The following TMEM123 variants were observed in gnomAD, a reference collection of about 807,000 sequenced individuals.
TMEM123 encodes transmembrane protein 123.
Under a neutral mutation model 19.7 loss-of-function variants are expected in TMEM123, and 16 were observed. The observed-to-expected ratio is 0.81, with a 90% confidence interval of 0.55 to 1.23. The LOEUF (loss-of-function observed/expected upper bound fraction) is 1.23. Ranked by LOEUF, TMEM123 falls within the 50% of genes most tolerant of loss-of-function variation. The pLI is 0.00. For synonymous variants in TMEM123, 118 were observed against 99.4 expected, an observed-to-expected ratio of 1.19 and a Z score of -1.12; for missense variants, 313 against 257.8, an observed-to-expected ratio of 1.21 and a Z score of -1.47.
intron 2 of TMEM123, among the ~76,000 whole-genome samples, chr11:102,405,674 A>AACAC (rs148148694): frequency 6.6e-6 from 1 of 151,860 alleles, no homozygotes; most frequent in Non-Finnish European, 1.5e-5. Context: ...TTTCGGATTC[A>AACAC]ACACACACAC....
intron 4 of TMEM123, among the ~76,000 whole-genome samples, chr11:102,400,189 A>G (rs773295097): frequency 3.3e-5 from 5 of 152,234 alleles, no homozygotes; most frequent in African/African-American, 1.2e-4. Flanking sequence ...GAAGATTCCA[A>G]TGGCCTATTC....
chr11:102,399,799 A>C (rs1951894735), intron 4 of TMEM123, among the ~76,000 whole-genome samples: 2 of 152,138 alleles, frequency 1.3e-5, no homozygotes, highest in African/African-American at 4.8e-5. Flanking sequence ...GTGAAACCCC[A>C]TCTCTACCAA....
intron 2 of TMEM123, among the ~76,000 whole-genome samples, chr11:102,445,732 A>C (rs1424563949): frequency 6.6e-6 from 1 of 152,196 alleles, no homozygotes. Flanking sequence ...ATGGTGGTTA[A>C]AAGTTCAGTA....
At chr11:102,411,322 G>A (rs372632409) in intron 2 of TMEM123, among the ~76,000 whole-genome samples, 2 of 152,140 alleles carry the variant, frequency 1.3e-5, no homozygotes, top group East Asian at 1.9e-4. Context: ...AGAGCGTATC[G>A]AAGCTCTGCG....
chr11:102,426,234 G>A (rs544924958), intron 2 of TMEM123, among the ~76,000 whole-genome samples: 1 of 152,120 alleles, frequency 6.6e-6, no homozygotes, highest in Non-Finnish European at 1.5e-5. Flanking sequence ...CAGAACTCTT[G>A]ACTTTGCCAT....
chr11:102,398,938 C>T (rs1386693052), intron 4 of TMEM123, 47 bp from the exon 5 acceptor site: 1 of 1,523,522 alleles, frequency 6.6e-7, no homozygotes, highest in Non-Finnish European at 9.0e-7. Flanking sequence ...TTTTTTCTGT[C>T]AAAACTACTT....
At chr11:102,416,702 A>C (rs917833403) in intron 2 of TMEM123, among the ~76,000 whole-genome samples, 3 of 152,156 alleles carry the variant, frequency 2.0e-5, no homozygotes, top group African/African-American at 7.2e-5. Context: ...CAAAAAAAGA[A>C]AACTTCAGGC....
intron 2 of TMEM123, among the ~76,000 whole-genome samples, chr11:102,439,810 G>A (rs1161216290): frequency 6.6e-6 from 1 of 152,176 alleles, no homozygotes; most frequent in Non-Finnish European, 1.5e-5. Flanking sequence ...CTTGAAAAAA[G>A]ATTAGACAAA....
intron 2 of TMEM123, among the ~76,000 whole-genome samples, chr11:102,405,358 A>G (rs1217055875): frequency 2.0e-5 from 3 of 152,014 alleles, no homozygotes; most frequent in South Asian, 2.1e-4. Flanking sequence ...GGCCTGATCT[A>G]TTTTCTTAAT....
chr11:102,424,592 G>C (rs1952111082), intron 2 of TMEM123, among the ~76,000 whole-genome samples: 1 of 152,146 alleles, frequency 6.6e-6, no homozygotes, highest in Non-Finnish European at 1.5e-5. Flanking sequence ...GGGATGCTGA[G>C]GTGGGAGAAT....
intron 2 of TMEM123, among the ~76,000 whole-genome samples, chr11:102,413,275 C>G (rs1413168275): frequency 1.3e-5 from 2 of 152,124 alleles, no homozygotes; most frequent in African/African-American, 4.8e-5. Context: ...TTAATCCACA[C>G]CAAGAGAAAG....
intron 2 of TMEM123, among the ~76,000 whole-genome samples, chr11:102,427,653 A>G (rs542283989): frequency 6.6e-6 from 1 of 151,828 alleles, no homozygotes; most frequent in Non-Finnish European, 1.5e-5. Flanking sequence ...CCTGGCCAAT[A>G]CGGTGAAACC....
At chr11:102,403,469 A>T (rs1280204597) in intron 2 of TMEM123, among the ~76,000 whole-genome samples, 1 of 152,258 alleles carries the variant, frequency 6.6e-6, no homozygotes, top group Admixed American at 6.5e-5. Context: ...ACTAACGTTT[A>T]CAACTATAGG....
chr11:102,398,940 A>G (rs1422956687), intron 4 of TMEM123, 49 bp from the exon 5 acceptor site: 4 of 1,519,326 alleles, frequency 2.6e-6, no homozygotes, highest in Non-Finnish European at 3.6e-6. Flanking sequence ...TTTTCTGTCA[A>G]AACTACTTAT....
At chr11:102,398,979 G>C in intron 4 of TMEM123, 88 bp from the exon 5 acceptor site, 5 of 1,229,162 alleles carry the variant, frequency 4.1e-6, no homozygotes, top group Non-Finnish European at 5.8e-6. Context: ...AGTAGGATTA[G>C]AACAATTTCA....
intron 2 of TMEM123, among the ~76,000 whole-genome samples, chr11:102,442,381 A>G (rs1213334249): frequency 6.6e-6 from 1 of 152,228 alleles, no homozygotes; most frequent in African/African-American, 2.4e-5. Context: ...GGGATGCAAG[A>G]CTGGTTCAAC....
rs1042425185 is a variant in TMEM123 at position 102,396,426 on chromosome 11, A to C, written c.*2441T>G. ...TATAATAAAAAGAAAAGAAGAGTTTAACTTTTTTTTTGTGAAAATACAAAA... is the reference window on the plus strand; with the variant it reads ...TATAATAAAAAGAAAAGAAGAGTTTCACTTTTTTTTTGTGAAAATACAAAA... On this transcript the variant is annotated 3_prime_UTR_variant, in exon 5 of 5. Coordinates refer to ENST00000398136, the MANE Select transcript of TMEM123 (RefSeq NM_052932.3). 6.6e-6 allele frequency: 1 copy of C among 152,164 alleles called. No individual in the cohort carries two copies. Among genetic ancestry groups the C allele is most frequent in the African/African-American group, 2.4e-5 (1 of 41,444 alleles). The allele number at this position is 152,164 out of a possible 1,614,324, so 9.4% of individuals were successfully genotyped here.
intron 2 of TMEM123, among the ~76,000 whole-genome samples, chr11:102,402,488 C>T (rs1951923101): frequency 6.6e-6 from 1 of 151,298 alleles, no homozygotes; most frequent in Non-Finnish European, 1.5e-5. Context: ...TCCCTCAGTG[C>T]AGGGACATGT....
intron 2 of TMEM123, among the ~76,000 whole-genome samples, chr11:102,434,703 C>A (rs1305412838): frequency 1.3e-5 from 2 of 151,840 alleles, no homozygotes; most frequent in Non-Finnish European, 2.9e-5. Flanking sequence ...AGTAGTTTTA[C>A]AACTTCAGGA....
Sources: gnomAD v4.1 joint callset for allele counts (sites outside exome capture counted in the v4.1 genomes callset) on GRCh38, gnomAD v4.1.1 for gene constraint, MANE v1.5 for transcripts, NCBI Gene and HGNC (gene_info 2026-07-23, HGNC 2026-07-21) for gene names.